ATP9B: variants seen among roughly 807,000 people sequenced by gnomAD.
The protein encoded by ATP9B is probable phospholipid-transporting ATPase IIB.
A neutral mutation model predicts 146.1 loss-of-function variants in ATP9B; 110 were observed. That is an observed-to-expected ratio of 0.75 (90% CI 0.65 to 0.88). The LOEUF is 0.88. ATP9B is among the 40% of genes least tolerant of loss of function. ATP9B has a pLI of 0.00. For synonymous variants in ATP9B, 604 were observed against 569.7 expected, an observed-to-expected ratio of 1.06 and a Z score of -0.86; for missense variants, 1,499 against 1,496.4, an observed-to-expected ratio of 1.00 and a Z score of -0.03.
chr18:79,327,741 G>GCT (rs1205871295), intron 15 of ATP9B, among the ~76,000 whole-genome samples: 5 of 134,034 alleles, frequency 3.7e-5, no homozygotes, highest in African/African-American at 1.5e-4. Flanking sequence ...TGGTTAGCGT[G>GCT]CTCTCCGTGG....
chr18:79,264,446 A>G (rs1006926698), intron 12 of ATP9B, among the ~76,000 whole-genome samples: 1 of 152,120 alleles, frequency 6.6e-6, no homozygotes, highest in Non-Finnish European at 1.5e-5. Context: ...TGTTTTGCTG[A>G]TATCTTTCTC....
At chr18:79,234,668 C>CCTGTGGGTGTGCTG (rs779782126) in intron 11 of ATP9B, among the ~76,000 whole-genome samples, 3 of 145,320 alleles carry the variant, frequency 2.1e-5, no homozygotes, top group East Asian at 2.0e-4. Context: ...TGGGTGTGCT[C>CCTGTGGGTGTGCTG]CTGTGGGTGT....
chr18:79,226,187 A>G (rs1335263082), intron 11 of ATP9B, among the ~76,000 whole-genome samples: 2 of 152,210 alleles, frequency 1.3e-5, no homozygotes, highest in Admixed American at 1.3e-4. Context: ...AGCCTGAGTC[A>G]TGTTTATGAA....
intron 9 of ATP9B, among the ~76,000 whole-genome samples, chr18:79,198,594 A>T (rs1443925708): frequency 6.6e-6 from 1 of 152,178 alleles, no homozygotes; most frequent in Admixed American, 6.5e-5. Flanking sequence ...CACCTAGGTT[A>T]TATGGTGTAG....
At chr18:79,297,550 G>T (rs932716748) in intron 13 of ATP9B, among the ~76,000 whole-genome samples, 1 of 152,206 alleles carries the variant, frequency 6.6e-6, no homozygotes, top group Non-Finnish European at 1.5e-5. Flanking sequence ...GAGACAAATG[G>T]GATGTGGAAT....
intron 11 of ATP9B, among the ~76,000 whole-genome samples, chr18:79,244,901 C>G (rs1211914925): frequency 1.3e-5 from 2 of 152,164 alleles, no homozygotes; most frequent in East Asian, 3.8e-4. Context: ...TTTATGACTC[C>G]TAGTAAGAGA....
chr18:79,375,286 C>A, intron 28 of ATP9B, 108 bp from the exon 29 acceptor site: 1 of 1,001,932 alleles, frequency 1.0e-6, no homozygotes, highest in Non-Finnish European at 1.5e-6. Flanking sequence ...CTTGCACTGC[C>A]ATTTTATTGC....
chr18:79,156,289 C>T (rs1224968984), intron 7 of ATP9B, among the ~76,000 whole-genome samples: 5 of 152,184 alleles, frequency 3.3e-5, no homozygotes, highest in African/African-American at 1.2e-4. Context: ...AGCTGGACTC[C>T]CTTTCCTGCC....
chr18:79,297,275 TGACCCAGAGAGGAGACACAGAC>T (rs1183670640), intron 13 of ATP9B, among the ~76,000 whole-genome samples: 2 of 121,986 alleles, frequency 1.6e-5, no homozygotes, highest in South Asian at 2.6e-4. Flanking sequence ...GACAGAGAGA[TGACCCAGAGAGGAGACACAGAC>T]GACCCAGAGA....
chr18:79,269,024 A>C (rs1005994083), intron 12 of ATP9B, among the ~76,000 whole-genome samples: 3 of 152,044 alleles, frequency 2.0e-5, no homozygotes, highest in Non-Finnish European at 4.4e-5. Context: ...ACCCTACATA[A>C]TGTGTTGAGG....
At chr18:79,310,449 G>A (rs1054104753) in intron 15 of ATP9B, among the ~76,000 whole-genome samples, 7 of 152,236 alleles carry the variant, frequency 4.6e-5, no homozygotes, top group African/African-American at 1.7e-4. Context: ...GAGGAGCTAT[G>A]CTGGCTGCAG....
chr18:79,244,727 A>G (rs978708319), intron 11 of ATP9B, among the ~76,000 whole-genome samples: 5 of 152,316 alleles, frequency 3.3e-5, no homozygotes, highest in Admixed American at 6.5e-5. Flanking sequence ...AGGGTAAAAT[A>G]AAAAGGCAGA....
At chr18:79,149,909 T>C (rs1568280563) in intron 6 of ATP9B, among the ~76,000 whole-genome samples, 1 of 151,928 alleles carries the variant, frequency 6.6e-6, no homozygotes, top group Non-Finnish European at 1.5e-5. Flanking sequence ...GGTGAATCCC[T>C]ATCTCTACTG....
intron 6 of ATP9B, 94 bp from the exon 7 acceptor site, chr18:79,154,410 A>T (rs374927902): frequency 3.3e-5 from 27 of 812,686 alleles, no homozygotes; most frequent in Non-Finnish European, 4.9e-5. Context: ...ATATTATCTT[A>T]GTTGTTTTCA....
At position 79,168,378 on chromosome 18, in the gene ATP9B, G is replaced by GTTT. The variant is rs57706892; in HGVS notation, c.779-8423_779-8421dup. ...CCAAATAAGTTTTGTTTTTGATTTT[G>GTTT]TTTTTTTTTTTTTTACATTTGTGTA... On this transcript the variant is annotated intron_variant, in intron 7 of 29. Coordinates refer to ENST00000426216, the MANE Select transcript of ATP9B (RefSeq NM_198531.5). Among the ~76,000 whole-genome samples the GTTT allele has an allele frequency of 4.0e-3, 568 of 143,760 alleles. 7 individuals carry two copies. The highest frequency in any genetic ancestry group is 0.027 in the South Asian group (124 of 4,522). 94.3% of individuals were successfully genotyped at this position (143,760 alleles called of 152,430 possible).
chr18:79,291,140 A>G (rs1386360280), intron 13 of ATP9B, among the ~76,000 whole-genome samples: 1 of 152,168 alleles, frequency 6.6e-6, no homozygotes, highest in Non-Finnish European at 1.5e-5. Context: ...TATAGTCCCA[A>G]AAAACTCTTT....
intron 25 of ATP9B, among the ~76,000 whole-genome samples, chr18:79,356,560 GCTA>G (rs2096954558): frequency 1.3e-5 from 2 of 152,352 alleles, no homozygotes; most frequent in South Asian, 4.1e-4. Context: ...AAAGAAATAA[GCTA>G]CTGACACAGC....
intron 10 of ATP9B, 87 bp downstream of exon 10, chr18:79,207,099 A>C: frequency 7.7e-7 from 1 of 1,297,396 alleles, no homozygotes; most frequent in Non-Finnish European, 1.1e-6. Flanking sequence ...AGGGTTTCTC[A>C]CAGTGCCCTG....
intron 7 of ATP9B, among the ~76,000 whole-genome samples, chr18:79,174,992 A>G (rs2095139151): frequency 6.6e-6 from 1 of 152,052 alleles, no homozygotes. Context: ...TGAGGTCAAG[A>G]GATCGAGACC....
Sources: gnomAD v4.1 joint callset for allele counts (sites outside exome capture counted in the v4.1 genomes callset) on GRCh38, gnomAD v4.1.1 for gene constraint, MANE v1.5 for transcripts, NCBI Gene and HGNC (gene_info 2026-07-23, HGNC 2026-07-21) for gene names.